Variants in STPG2 observed in about 807,000 individuals in gnomAD.
STPG2 encodes the protein sperm tail PG-rich repeat containing 2.
STPG2 carries 56 observed loss-of-function variants against 54.2 expected under a neutral mutation model. That is an observed-to-expected ratio of 1.03 (90% CI 0.83 to 1.29). The LOEUF (loss-of-function observed/expected upper bound fraction) is 1.29, where lower values mean the gene tolerates loss of function less well. Among genes scored for constraint, STPG2 ranks in the 50% most tolerant of loss-of-function variants. The pLI is 0.00. For missense variants in STPG2, 596 were observed against 544.9 expected, an observed-to-expected ratio of 1.09 and a Z score of -0.93; for synonymous variants, 200 against 181.8, an observed-to-expected ratio of 1.10 and a Z score of -0.81.
chr4:97,665,608 G>A (rs761552720), intron 10 of STPG2, among the ~76,000 whole-genome samples: 8 of 152,190 alleles, frequency 5.3e-5, no homozygotes, highest in South Asian at 2.1e-4. Flanking sequence ...TCCTACTCCC[G>A]TCCACAGGGC....
chr4:97,893,514 C>T, intron 8 of STPG2, among the ~76,000 whole-genome samples: 1 of 151,988 alleles, frequency 6.6e-6, no homozygotes, highest in Non-Finnish European at 1.5e-5. Flanking sequence ...GATTTAAGCT[C>T]TTCCAACTCA....
At chr4:97,812,586 G>A (rs1462020288) in intron 9 of STPG2, among the ~76,000 whole-genome samples, 2 of 152,078 alleles carry the variant, frequency 1.3e-5, no homozygotes, top group African/African-American at 4.8e-5. Flanking sequence ...GATTTTGAAA[G>A]TAAAAAAGAG....
At chr4:98,107,319 G>A (rs1739216452) in intron 4 of STPG2, among the ~76,000 whole-genome samples, 2 of 148,916 alleles carry the variant, frequency 1.3e-5, no homozygotes, top group Non-Finnish European at 3.0e-5. Flanking sequence ...AAAAAAACAA[G>A]TAGAAAATAT....
chr4:97,941,206 T>TGACTTTA, intron 8 of STPG2, among the ~76,000 whole-genome samples: 1 of 152,150 alleles, frequency 6.6e-6, no homozygotes, highest in Middle Eastern at 3.4e-3. Flanking sequence ...CCTTTGTGGG[T>TGACTTTA]TACCCAGCGA....
intron 9 of STPG2, among the ~76,000 whole-genome samples, chr4:97,736,060 C>T (rs915079461): frequency 2.6e-5 from 4 of 152,130 alleles, no homozygotes; most frequent in African/African-American, 9.7e-5. Context: ...TGAGGGTGTG[C>T]AGAAAGGAGA....
At chr4:97,969,245 GAC>G (rs1734231715) in intron 7 of STPG2, among the ~76,000 whole-genome samples, 1 of 152,182 alleles carries the variant, frequency 6.6e-6, no homozygotes, top group South Asian at 2.1e-4. Context: ...GTTATGGAAA[GAC>G]AGTGTTTCTG....
In STPG2 at chr4:97,577,063, T is replaced by A. The variant is rs754924636; in HGVS notation, c.1321-17946A>T. On this transcript the variant is annotated intron_variant, in intron 10 of 10. Coordinates refer to ENST00000295268, the MANE Select transcript of STPG2 (RefSeq NM_174952.3). ...ATATGCCATCTTACACCAGTCAGAA[T>A]GGCTATTACTAAAAAGTAAAAAAAT... Among the ~76,000 whole-genome samples the A allele has an allele frequency of 2.6e-5, 4 of 152,096 alleles. No individual in the cohort carries two copies. The East Asian group carries it at 7.7e-4, about 29-fold the overall frequency.
intron 10 of STPG2, among the ~76,000 whole-genome samples, chr4:97,565,638 T>C (rs1286196491): frequency 6.6e-6 from 1 of 152,194 alleles, no homozygotes; most frequent in East Asian, 1.9e-4. Context: ...TGTTTGTTAG[T>C]TTTCCTTCTA....
chr4:97,635,500 T>A (rs528746942), intron 10 of STPG2, among the ~76,000 whole-genome samples: 1 of 152,260 alleles, frequency 6.6e-6, no homozygotes, highest in South Asian at 2.1e-4. Context: ...CTATTAACTT[T>A]AAATGTAAAT....
At chr4:97,478,059 T>C (rs984568224) in intron 4 of STPG2, among the ~76,000 whole-genome samples, 3 of 152,152 alleles carry the variant, frequency 2.0e-5, no homozygotes, top group African/African-American at 7.2e-5. Flanking sequence ...ACATTTATGA[T>C]ATAAAGGATG....
At chr4:97,553,482 T>A (rs1337567975) in intron 4 of STPG2, among the ~76,000 whole-genome samples, 1 of 152,222 alleles carries the variant, frequency 6.6e-6, no homozygotes, top group Non-Finnish European at 1.5e-5. Context: ...TTGTGACAAC[T>A]GTCAGTGTCT....
At chr4:97,825,950 A>T (rs1728246081) in intron 9 of STPG2, among the ~76,000 whole-genome samples, 1 of 152,194 alleles carries the variant, frequency 6.6e-6, no homozygotes, top group Non-Finnish European at 1.5e-5. Context: ...TAAATGCTTT[A>T]GGGTCATAAA....
intron 9 of STPG2, among the ~76,000 whole-genome samples, chr4:97,809,133 T>C (rs1400848922): frequency 6.6e-6 from 1 of 152,060 alleles, no homozygotes; most frequent in African/African-American, 2.4e-5. Context: ...GAGTGACATA[T>C]GGAAGAAGGA....
chr4:97,680,418 G>A (rs1346080039), intron 10 of STPG2, among the ~76,000 whole-genome samples: 2 of 151,900 alleles, frequency 1.3e-5, no homozygotes, highest in Non-Finnish European at 2.9e-5. Flanking sequence ...TCATGATTTG[G>A]CTCTCTGTTT....
intron 4 of STPG2, among the ~76,000 whole-genome samples, chr4:97,461,744 T>C (rs529884748): frequency 6.6e-5 from 10 of 152,348 alleles, no homozygotes; most frequent in South Asian, 4.1e-4. Flanking sequence ...AACTTTCCAT[T>C]TGCATATCCT....
chr4:97,560,278 A>T (rs1732191057), intron 10 of STPG2, among the ~76,000 whole-genome samples: 1 of 152,180 alleles, frequency 6.6e-6, no homozygotes, highest in Non-Finnish European at 1.5e-5. Flanking sequence ...AAATATAACT[A>T]GGAAAATTGG....
intron 9 of STPG2, among the ~76,000 whole-genome samples, chr4:97,778,417 A>G (rs1726459436): frequency 6.6e-6 from 1 of 152,176 alleles, no homozygotes; most frequent in Admixed American, 6.5e-5. Context: ...AGGCTTGAGT[A>G]GGTAAACAGC....
chr4:97,916,907 T>G (rs1263870395), intron 8 of STPG2: 3 of 152,756 alleles, frequency 2.0e-5, no homozygotes, highest in Non-Finnish European at 4.4e-5. Context: ...ACTAAAACAA[T>G]TTCTCCAGGT....
At position 97,956,602 on chromosome 4, in the gene STPG2, A is replaced by C. The variant is rs193245470; in HGVS notation, c.934-12595T>G. Among the ~76,000 whole-genome samples, 184 of 152,258 alleles carry C rather than the reference A, an allele frequency of 1.2e-3. 4 individuals carry two copies. Among genetic ancestry groups the C allele is most frequent in the East Asian group, 0.011 (59 of 5,176 alleles). On this transcript the variant is annotated intron_variant, in intron 7 of 10. Coordinates refer to ENST00000295268, the MANE Select transcript of STPG2 (RefSeq NM_174952.3). ...GAGACACCCCAAATATTGTGCTGGT[A>C]TCCATGGCTGAGAGATCCACATATG...
Sources: allele counts gnomAD v4.1 joint callset (sites outside exome capture counted in the v4.1 genomes callset), GRCh38; gene constraint gnomAD v4.1.1; transcripts MANE v1.5; gene names NCBI Gene and HGNC (gene_info 2026-07-23, HGNC 2026-07-21).